SNAP23: variants seen among roughly 807,000 people sequenced by gnomAD.
SNAP23 encodes synaptosome associated protein 23.
SNAP23 carries 11 observed loss-of-function variants against 29.0 expected under a neutral mutation model. The ratio of observed to expected loss-of-function variants is 0.38; its 90% CI spans 0.24 to 0.63. The LOEUF is 0.63. SNAP23 is among the 20% of genes least tolerant of loss of function. The pLI is 0.58. For missense variants in SNAP23, 220 were observed against 253.9 expected (o/e 0.87, Z 0.91); for synonymous variants, 60 against 82.9 (o/e 0.72, Z 1.50).
At chr15:42,524,059 A>G (rs1595528533) in intron 5 of SNAP23, among the ~76,000 whole-genome samples, 1 of 149,194 alleles carries the variant, frequency 6.7e-6, no homozygotes, top group Non-Finnish European at 1.5e-5. Context: ...CTCACGATCC[A>G]CCCACCTCGG....
At chr15:42,503,962 A>C (rs967270261) in intron 1 of SNAP23, among the ~76,000 whole-genome samples, 1 of 152,172 alleles carries the variant, frequency 6.6e-6, no homozygotes, top group African/African-American at 2.4e-5. Flanking sequence ...AAAAATGGTT[A>C]AAGTTGTTTG....
chr15:42,525,095 C>T (rs1411550586), intron 5 of SNAP23, among the ~76,000 whole-genome samples: 1 of 152,148 alleles, frequency 6.6e-6, no homozygotes, highest in Non-Finnish European at 1.5e-5. Flanking sequence ...CAGCTGGGCG[C>T]GGTAGCTCAC....
intron 4 of SNAP23, 34 bp downstream of exon 4, chr15:42,513,481 G>T: frequency 1.3e-6 from 2 of 1,561,936 alleles, no homozygotes; most frequent in South Asian, 2.2e-5. Context: ...TTCTTAATTT[G>T]ACTGTGATGC....
intron 5 of SNAP23, among the ~76,000 whole-genome samples, chr15:42,524,526 G>A (rs944637243): frequency 5.9e-5 from 9 of 152,274 alleles, no homozygotes; most frequent in African/African-American, 2.2e-4. Flanking sequence ...TGTGAACTGT[G>A]CATGTGCGAG....
chr15:42,529,922 C>T lies in SNAP23; in HGVS notation c.570+103C>T. On this transcript the variant is annotated intron_variant, in intron 7 of 7. Transcript: ENST00000249647. ...GTGGGGGACACGGTAGAATAAGCTC[C>T]TGTCCTCATAGGTCTTAATTCTGAT... 2.4e-6 allele frequency: 3 copies of T among 1,269,640 alleles called. No homozygotes were observed. The South Asian group carries it at 4.4e-5, about 18-fold the overall frequency. The allele number at this position is 1,269,640 out of a possible 1,614,324, so 78.6% of individuals were successfully genotyped here.
chr15:42,528,954 C>G (rs1328738291), intron 6 of SNAP23, among the ~76,000 whole-genome samples: 2 of 152,132 alleles, frequency 1.3e-5, no homozygotes, highest in African/African-American at 2.4e-5. Context: ...CTTTTCAGTA[C>G]TTTCCAAATT....
At chr15:42,493,489 C>T (rs1313636147), upstream of SNAP23, among the ~76,000 whole-genome samples, 1 of 151,968 alleles carries the variant, frequency 6.6e-6, no homozygotes. Flanking sequence ...GCCAAATATC[C>T]CCCGGAGGAC....
chr15:42,526,135 T>C (rs1225670018), intron 5 of SNAP23, among the ~76,000 whole-genome samples: 1 of 152,246 alleles, frequency 6.6e-6, no homozygotes, highest in Non-Finnish European at 1.5e-5. Flanking sequence ...GCCCCACTTC[T>C]GTTACTTCTG....
At chr15:42,512,607 G>C (rs2057366181) in intron 2 of SNAP23, among the ~76,000 whole-genome samples, 1 of 151,984 alleles carries the variant, frequency 6.6e-6, no homozygotes, top group South Asian at 2.1e-4. Context: ...TCAAACTTCT[G>C]ACCTCGTGAT....
chr15:42,528,361 G>A lies in SNAP23; in HGVS notation c.366G>A (p.Val122=). ...TAGTATCTAAACAGCCAGGCCCGGT[G>A]ACAAATGGTCAGCTTCAGCAACCAA... is the stretch of plus-strand genomic sequence containing the variant. ...CNVVSKQPGP[V]TNGQLQQPTT... The change falls in exon 6 of 8, where the codon GTG becomes GTA. Residue 122 remains valine, a synonymous_variant. Transcript: ENST00000249647. 1 of 1,614,122 alleles carries A rather than the reference G, an allele frequency of 6.2e-7. No homozygotes were observed. Among genetic ancestry groups the A allele is most frequent in the Non-Finnish European group, 8.5e-7 (1 of 1,180,016 alleles).
intron 1 of SNAP23, among the ~76,000 whole-genome samples, chr15:42,502,769 A>G (rs754425209): frequency 4.6e-5 from 7 of 152,138 alleles, no homozygotes; most frequent in Non-Finnish European, 7.3e-5. Context: ...TTCTGTTCAC[A>G]TAACCATTCT....
chr15:42,509,057 G>A (rs1311066374), intron 1 of SNAP23, among the ~76,000 whole-genome samples: 2 of 152,048 alleles, frequency 1.3e-5, no homozygotes, highest in East Asian at 3.9e-4. Context: ...AGGAAGTGAT[G>A]GAAAAGCATG....
chr15:42,523,935 G>A (rs987636539), intron 5 of SNAP23, among the ~76,000 whole-genome samples: 2 of 152,094 alleles, frequency 1.3e-5, no homozygotes, highest in Non-Finnish European at 2.9e-5. Flanking sequence ...TCCTGCCTCA[G>A]CCTCCCAAGT....
Position 42,531,593 on chromosome 15 carries a change from TG to T in SNAP23, c.*117del. 1 of 735,140 alleles carries T rather than the reference TG, an allele frequency of 1.4e-6. No individual in the cohort carries two copies. The highest frequency in any genetic ancestry group is 2.2e-6 in the Non-Finnish European group (1 of 452,300). 45.5% of individuals were successfully genotyped at this position (735,140 alleles called of 1,614,324 possible). ...ACGCTCTTCTAATTGGGAGATAATA[TG>T]GAAGAAGGGCCAGAGCAGTTACAGC... On this transcript the variant is annotated 3_prime_UTR_variant, in exon 8 of 8. Transcript: ENST00000249647.
At chr15:42,497,948 G>A (rs1242999273) in intron 1 of SNAP23, among the ~76,000 whole-genome samples, 4 of 152,176 alleles carry the variant, frequency 2.6e-5, no homozygotes, top group Non-Finnish European at 2.9e-5. Context: ...CAGCCATTAC[G>A]TCTTAAAACT....
intron 5 of SNAP23, among the ~76,000 whole-genome samples, chr15:42,520,841 T>C (rs2057443355): frequency 6.6e-6 from 1 of 152,254 alleles, no homozygotes; most frequent in South Asian, 2.1e-4. Flanking sequence ...TTGCCTGTTT[T>C]ATAAAGTCTA....
intron 1 of SNAP23, among the ~76,000 whole-genome samples, chr15:42,498,023 C>G (rs1012805400): frequency 1.4e-4 from 21 of 152,184 alleles, no homozygotes; most frequent in African/African-American, 5.1e-4. Context: ...GGTGGGCTCC[C>G]AAGGCCTTGA....
chr15:42,528,327 C>T lies in SNAP23; in HGVS notation c.332C>T (p.Pro111Leu), dbSNP rs758415573. ...TTWGDGGENS[P>L]CNVVSKQPGP... ...TGGGGAGATGGTGGAGAAAACTCACCTTGCAATGTAGTATCTAAACAGCCA... is the reference window on the plus strand; with the variant it reads ...TGGGGAGATGGTGGAGAAAACTCACTTTGCAATGTAGTATCTAAACAGCCA... Residue 111 changes from proline to leucine, a missense_variant, in exon 6 of 8, where the codon CCT (proline) becomes CTT (leucine). Pro to Leu is a moderately conservative substitution (Grantham distance 98). Transcript: ENST00000249647. 4 of 1,614,036 alleles carry T rather than the reference C, an allele frequency of 2.5e-6. No homozygotes were observed. In the South Asian group the frequency reaches 3.3e-5, roughly 13 times the overall value.
Position 42,531,461 on chromosome 15 carries a change from A to G in SNAP23, c.619A>G (p.Lys207Glu), listed in dbSNP as rs749312610. 29 of 1,601,882 alleles carry G rather than the reference A, an allele frequency of 1.8e-5. No homozygotes were observed. The highest frequency in any genetic ancestry group is 2.2e-5 in the Non-Finnish European group (26 of 1,175,372). ...RIDIANARAKKLIDS is the reference protein window; with the variant it reads ...RIDIANARAKELIDS ...TGATATTGCCAATGCCAGAGCAAAG[A>G]AACTCATTGACAGCTAAAGCTACTG... Residue 207 changes from lysine (K) to glutamate (E), a missense_variant, in exon 8 of 8, where the codon AAA becomes GAA. By Grantham distance (56) the Lys-to-Glu change is moderately conservative. Transcript: ENST00000249647.
Sources: gnomAD v4.1 joint callset for allele counts (sites outside exome capture counted in the v4.1 genomes callset) on GRCh38, gnomAD v4.1.1 for gene constraint, MANE v1.5 for transcripts, NCBI Gene and HGNC (gene_info 2026-07-23, HGNC 2026-07-21) for gene names.